NBDY: variants seen among roughly 807,000 people sequenced by gnomAD.
The protein encoded by NBDY is P-body dissociating protein.
At chrX:56,805,249 A>T (rs2146739868) in intron 2 of NBDY, among the ~76,000 whole-genome samples, 1 of 112,852 alleles carries the variant, frequency 8.9e-6, no homozygotes, top group South Asian at 3.7e-4. Flanking sequence ...TGCAAGAAGA[A>T]AGGAATGCAG....
chrX:56,737,525 C>T (rs980031072), intron 2 of NBDY: 2 of 954,321 alleles, frequency 2.1e-6, no homozygotes, highest in Non-Finnish European at 3.0e-6. Flanking sequence ...ATACCATTTT[C>T]GAATACCATC....
chrX:56,761,721 C>T (rs770670589), intron 2 of NBDY, among the ~76,000 whole-genome samples: 1 of 113,012 alleles, frequency 8.8e-6, no homozygotes, highest in East Asian at 2.8e-4. Flanking sequence ...GGTTGGCAAG[C>T]GAACATATTT....
intron 2 of NBDY, among the ~76,000 whole-genome samples, chrX:56,764,257 G>A (rs1008789386): frequency 3.6e-5 from 4 of 112,317 alleles, no homozygotes; most frequent in Admixed American, 9.3e-5. Flanking sequence ...TTGCCAACAC[G>A]TGGCTCCAGC....
intron 2 of NBDY, among the ~76,000 whole-genome samples, chrX:56,745,271 G>A (rs1438425127): frequency 9.0e-6 from 1 of 111,022 alleles, no homozygotes; most frequent in Non-Finnish European, 1.9e-5. Context: ...CTTATGAGTC[G>A]TTTATGGAAT....
chrX:56,767,311 A>C (rs1249561241), intron 2 of NBDY, among the ~76,000 whole-genome samples: 1 of 113,254 alleles, frequency 8.8e-6, no homozygotes, highest in African/African-American at 3.2e-5. Flanking sequence ...GGGTCCCCTT[A>C]AGAGGTGAAA....
At chrX:56,814,989 A>G (rs1313739438) in intron 2 of NBDY, among the ~76,000 whole-genome samples, 1 of 111,039 alleles carries the variant, frequency 9.0e-6, no homozygotes, top group Non-Finnish European at 1.9e-5. Context: ...CATTTCTGTC[A>G]TATCTTATAC....
intron 2 of NBDY, among the ~76,000 whole-genome samples, chrX:56,786,010 C>T (rs1020683685): frequency 1.4e-4 from 16 of 111,466 alleles, no homozygotes; most frequent in Admixed American, 2.8e-4. Context: ...TAGCTGACCC[C>T]GTGAGGAAAA....
intron 2 of NBDY, among the ~76,000 whole-genome samples, chrX:56,764,496 G>T (rs1218785315): frequency 9.1e-6 from 1 of 110,046 alleles, no homozygotes; most frequent in Non-Finnish European, 1.9e-5. Flanking sequence ...GAACCCCGGT[G>T]GGGGAAACCC....
chrX:56,729,555 A>G lies in NBDY; in HGVS notation c.202A>G (p.Lys68Glu). 3.4e-6 allele frequency: 1 copy of G among 297,896 alleles called. No individual in the cohort carries two copies. The allele number at this position is 297,896 out of a possible 1,213,427, so 24.5% of individuals were successfully genotyped here. ...GLKSHPPPPE[K>E] ...GAAGTCGCACCCTCCTCCTCCGGAG[A>G]AGTAGAGAAATAAATTTCTCCCACC... is the stretch of plus-strand genomic sequence containing the variant. Residue 68 changes from lysine (K) to glutamate (E), a missense_variant, in exon 1 of 3, where the codon AAG becomes GAG. By Grantham distance (56) the Lys-to-Glu change is moderately conservative. Transcript: ENST00000374922.
intron 2 of NBDY, among the ~76,000 whole-genome samples, chrX:56,795,032 G>C (rs1448649568): frequency 8.9e-6 from 1 of 111,888 alleles, no homozygotes; most frequent in Non-Finnish European, 1.9e-5. Context: ...GGCTCTTCTG[G>C]AGAGAGAGCC....
chrX:56,806,146 G>T (rs978811435), intron 2 of NBDY, among the ~76,000 whole-genome samples: 2 of 111,697 alleles, frequency 1.8e-5, no homozygotes, highest in East Asian at 5.6e-4. Context: ...CAAAGGACAT[G>T]AACTCATCCA....
chrX:56,737,311 G>T (rs755628194), intron 2 of NBDY: 1 of 924,037 alleles, frequency 1.1e-6, no homozygotes, highest in African/African-American at 2.0e-5. Context: ...GTTCAAGGTA[G>T]AAATTTTCCT....
intron 2 of NBDY, among the ~76,000 whole-genome samples, chrX:56,757,456 G>A (rs2069617138): frequency 1.8e-5 from 2 of 111,839 alleles, no homozygotes; most frequent in Admixed American, 9.5e-5. Flanking sequence ...CCTTCGCTTC[G>A]TGCACCATCA....
At chrX:56,785,314 C>G (rs1199869570) in intron 2 of NBDY, among the ~76,000 whole-genome samples, 2 of 111,340 alleles carry the variant, frequency 1.8e-5, no homozygotes, top group Non-Finnish European at 3.8e-5. Context: ...TGGACTGTGT[C>G]TTTGGGGTGG....
At chrX:56,781,874 C>T (rs937159851) in intron 2 of NBDY, among the ~76,000 whole-genome samples, 1 of 111,758 alleles carries the variant, frequency 8.9e-6, no homozygotes, top group African/African-American at 3.3e-5. Context: ...GATTCCTCCC[C>T]GTTTTTCATC....
chrX:56,752,837 C>G, intron 2 of NBDY, among the ~76,000 whole-genome samples: 2 of 111,033 alleles, frequency 1.8e-5, no homozygotes, highest in Middle Eastern at 4.6e-3. Context: ...TTTCGAACTC[C>G]TGACCTCAAG....
intron 2 of NBDY, among the ~76,000 whole-genome samples, chrX:56,786,772 A>G (rs1569289772): frequency 1.8e-5 from 2 of 109,976 alleles, no homozygotes; most frequent in East Asian, 2.9e-4. Flanking sequence ...TTGTTCTAGG[A>G]GACTGCTTCT....
intron 2 of NBDY, among the ~76,000 whole-genome samples, chrX:56,808,113 A>G (rs2069863503): frequency 8.9e-6 from 1 of 112,232 alleles, no homozygotes. Flanking sequence ...GTGATGGATT[A>G]AGTTTATTGA....
At chrX:56,744,364 A>C (rs1320858033) in intron 2 of NBDY, among the ~76,000 whole-genome samples, 1 of 111,652 alleles carries the variant, frequency 9.0e-6, no homozygotes, top group Non-Finnish European at 1.9e-5. Flanking sequence ...AGTACAGATT[A>C]AGTGTGATGT....
Sources: allele counts gnomAD v4.1 joint callset (sites outside exome capture counted in the v4.1 genomes callset), GRCh38; gene constraint gnomAD v4.1.1; transcripts MANE v1.5; gene names NCBI Gene and HGNC (gene_info 2026-07-23, HGNC 2026-07-21).